GAN: variants seen among roughly 807,000 people sequenced by gnomAD.
GAN encodes epididymis secretory sperm binding protein.
GAN carries 48 observed loss-of-function variants against 71.3 expected under a neutral mutation model. The ratio of observed to expected loss-of-function variants is 0.67; its 90% CI spans 0.53 to 0.86. The LOEUF (loss-of-function observed/expected upper bound fraction) is 0.86. Ranked by LOEUF, GAN falls within the 40% of genes least tolerant of loss-of-function variation. GAN has a pLI of 0.00. For missense variants in GAN, 928 were observed against 770.1 expected (o/e 1.21, Z -2.43); for synonymous variants, 386 against 276.8 (o/e 1.39, Z -3.92).
intron 5 of GAN, 113 bp from the exon 6 acceptor site, chr16:81,362,386 A>G: frequency 2.8e-6 from 2 of 723,100 alleles, no homozygotes; most frequent in South Asian, 2.9e-5. Context: ...GAATCCAAAG[A>G]GAACATTGTT....
intron 1 of GAN, among the ~76,000 whole-genome samples, chr16:81,323,435 G>A (rs1016024966): frequency 1.6e-4 from 25 of 152,132 alleles, no homozygotes; most frequent in African/African-American, 6.0e-4. Context: ...CAGAAAAGGG[G>A]TTATGAAAAT....
chr16:81,351,255 T>G (rs185234741), intron 1 of GAN, among the ~76,000 whole-genome samples: 260 of 152,282 alleles, frequency 1.7e-3, no homozygotes, highest in South Asian at 8.1e-3. Context: ...TATTGAAGAT[T>G]AATTAGAGAA....
chr16:81,319,359 A>C (rs1909152321), intron 1 of GAN, among the ~76,000 whole-genome samples: 1 of 151,912 alleles, frequency 6.6e-6, no homozygotes, highest in Non-Finnish European at 1.5e-5. Context: ...TTTTCTTTTG[A>C]ATATTACAGT....
chr16:81,345,153 G>A (rs552639703), intron 1 of GAN, among the ~76,000 whole-genome samples: 1 of 152,344 alleles, frequency 6.6e-6, no homozygotes, highest in African/African-American at 2.4e-5. Context: ...ACTGTTGGTG[G>A]TAGTGTAAAT....
Position 81,348,524 on chromosome 16 carries a change from G to C in GAN, c.168-3059G>C, listed in dbSNP as rs1288253567. Among the ~76,000 whole-genome samples the C allele has an allele frequency of 2.6e-5, 4 of 152,288 alleles. No individual in the cohort carries two copies. In the South Asian group the frequency reaches 8.3e-4, roughly 32 times the overall value. On this transcript the variant is annotated intron_variant, in intron 1 of 10. Transcript: ENST00000648994. ...CTTAACCAATGTGCCAAAAAAACAT[G>C]TTGCAAGTATGTGAAGATACTGATG...
intron 2 of GAN, among the ~76,000 whole-genome samples, chr16:81,353,258 C>T (rs1009985954): frequency 6.9e-6 from 1 of 145,788 alleles, no homozygotes; most frequent in Non-Finnish European, 1.5e-5. Flanking sequence ...CGCCACTGCA[C>T]TCCAGCGTGG....
chr16:81,330,085 G>C (rs958292160), intron 1 of GAN, among the ~76,000 whole-genome samples: 4 of 152,122 alleles, frequency 2.6e-5, no homozygotes, highest in African/African-American at 9.7e-5. Flanking sequence ...CAGATCTCTG[G>C]AATCTGCCTT....
intron 9 of GAN, among the ~76,000 whole-genome samples, chr16:81,374,588 T>G (rs540558187): frequency 3.9e-5 from 6 of 152,378 alleles, no homozygotes; most frequent in Admixed American, 2.6e-4. Context: ...GGATATTTAT[T>G]TTATTTCCTG....
intron 1 of GAN, among the ~76,000 whole-genome samples, chr16:81,349,497 A>C (rs971491069): frequency 1.3e-5 from 2 of 152,002 alleles, no homozygotes; most frequent in African/African-American, 4.8e-5. Flanking sequence ...TACAAAAATT[A>C]GCTGGGTGTG....
chr16:81,347,541 T>C (rs6564871), intron 1 of GAN, among the ~76,000 whole-genome samples: 22 of 152,010 alleles, frequency 1.4e-4, no homozygotes, highest in Non-Finnish European at 2.9e-4. Context: ...CCTTTGTTTT[T>C]TTGGGGCACA....
chr16:81,366,596 C>T (rs1256384328), intron 9 of GAN, among the ~76,000 whole-genome samples: 1 of 152,184 alleles, frequency 6.6e-6, no homozygotes, highest in African/African-American at 2.4e-5. Flanking sequence ...TGAGCAGTTA[C>T]AAAGATGCTG....
chr16:81,387,157 G>A lies in GAN; in HGVS notation c.*9561G>A, dbSNP rs182995163. The A allele has an allele frequency of 8.5e-5, 13 of 152,224 alleles. No individual in the cohort carries two copies. Among genetic ancestry groups the A allele is most frequent in the Admixed American group, 7.9e-4 (12 of 15,280 alleles). 9.4% of individuals were successfully genotyped at this position (152,224 alleles called of 1,614,324 possible). The stretch of plus-strand genomic sequence containing the variant: ...GAAGAGTGCTGGGCAAGATGTGTTG[G>A]GTGTTAGATCTGCAATACTCTTCAT... On this transcript the variant is annotated 3_prime_UTR_variant, in exon 11 of 11. Transcript: ENST00000648994.
intron 1 of GAN, among the ~76,000 whole-genome samples, chr16:81,317,382 C>T (rs1047771470): frequency 5.3e-5 from 8 of 152,222 alleles, no homozygotes; most frequent in Non-Finnish European, 1.0e-4. Context: ...AGCTTTTACT[C>T]ATATTAGCTG....
intron 7 of GAN, among the ~76,000 whole-genome samples, 171 bp downstream of exon 7, chr16:81,364,114 G>A (rs1158533444): frequency 6.6e-6 from 1 of 152,198 alleles, no homozygotes; most frequent in Non-Finnish European, 1.5e-5. Flanking sequence ...CACACACCAA[G>A]ATAGGAAAGT....
In GAN at chr16:81,362,628, T is replaced by G. The variant is rs368906326; in HGVS notation, c.1086+17T>G. 1.6e-6 allele frequency: 2 copies of G among 1,224,824 alleles called. No individual in the cohort carries two copies. 75.9% of individuals were successfully genotyped at this position (1,224,824 alleles called of 1,614,324 possible). ...ATGAACGAGGTAAAACACTAGTTGG[T>G]TGGTTTGTTTGATGTGTTTCTCTTT... On this transcript the variant is annotated intron_variant, in intron 6 of 10. Transcript: ENST00000648994.
At chr16:81,342,189 C>CT (rs1366204072) in intron 1 of GAN, among the ~76,000 whole-genome samples, 7 of 152,144 alleles carry the variant, frequency 4.6e-5, no homozygotes, top group Non-Finnish European at 8.8e-5. Context: ...TAATGGGAGA[C>CT]TTTAACACCC....
At chr16:81,357,603 G>A (rs1910533569) in intron 4 of GAN, among the ~76,000 whole-genome samples, 1 of 152,176 alleles carries the variant, frequency 6.6e-6, no homozygotes, top group South Asian at 2.1e-4. Flanking sequence ...ATGATTTATA[G>A]TCCTTTGGGT....
chr16:81,369,940 A>G (rs2150694641), intron 9 of GAN, among the ~76,000 whole-genome samples: 1 of 152,326 alleles, frequency 6.6e-6, no homozygotes, highest in South Asian at 2.1e-4. Context: ...ACTGATCCCA[A>G]ATTCTTTCCC....
At chr16:81,354,193 A>C (rs1337859065) in intron 2 of GAN, among the ~76,000 whole-genome samples, 2 of 152,162 alleles carry the variant, frequency 1.3e-5, no homozygotes, top group Non-Finnish European at 2.9e-5. Flanking sequence ...GAGCTGGGAA[A>C]AGTTAACCAA....
Sources: allele counts gnomAD v4.1 joint callset (sites outside exome capture counted in the v4.1 genomes callset), GRCh38; gene constraint gnomAD v4.1.1; transcripts MANE v1.5; gene names NCBI Gene and HGNC (gene_info 2026-07-23, HGNC 2026-07-21).